Variants in FBRSL1 observed in about 807,000 individuals in gnomAD.
FBRSL1 encodes fibrosin-1-like protein.
FBRSL1 carries 51 observed loss-of-function variants against 89.6 expected under a neutral mutation model. That is an observed-to-expected ratio of 0.57 (90% CI 0.45 to 0.72). The LOEUF (loss-of-function observed/expected upper bound fraction) is 0.72. Ranked by LOEUF, FBRSL1 falls within the 30% of genes least tolerant of loss-of-function variation. The probability of loss-of-function intolerance (pLI) is 0.00; values close to 1 mark genes in which losing one functional copy is unlikely to be tolerated. For missense variants in FBRSL1, 1,618 were observed against 1,451.8 expected, an observed-to-expected ratio of 1.11 and a Z score of -1.86; for synonymous variants, 779 against 681.1, an observed-to-expected ratio of 1.14 and a Z score of -2.24.
chr12:132,492,930 A>G (rs1004858117), intron 1 of FBRSL1, among the ~76,000 whole-genome samples: 2 of 152,204 alleles, frequency 1.3e-5, no homozygotes, highest in African/African-American at 4.8e-5. Context: ...CAAAGTTCAG[A>G]TAATTCATAA....
chr12:132,538,250 CGACG>C lies in FBRSL1; in HGVS notation c.616-9752_616-9749del, dbSNP rs1566165277. Among the ~76,000 whole-genome samples, 4 of 152,178 alleles carry C rather than the reference CGACG, an allele frequency of 2.6e-5. No homozygotes were observed. The East Asian group carries it at 7.7e-4, about 29-fold the overall frequency. ...CAGGGCTCCAGCCCCACGTTCTCGC[CGACG>C]CAGGGCTCTCCAGGCCTGCTCCCTT... On this transcript the variant is annotated intron_variant, in intron 4 of 18. Transcript: ENST00000680143.
chr12:132,525,698 G>T (rs1301056632), intron 2 of FBRSL1, 36 bp from the exon 3 acceptor site: 1 of 1,509,944 alleles, frequency 6.6e-7, no homozygotes, highest in East Asian at 2.5e-5. Context: ...CGGTGAGGTG[G>T]GGGTTTGCCT....
intron 1 of FBRSL1, among the ~76,000 whole-genome samples, chr12:132,496,614 G>A (rs1359123799): frequency 2.0e-5 from 3 of 152,240 alleles, no homozygotes; most frequent in Non-Finnish European, 4.4e-5. Context: ...GCACATGGCT[G>A]TGACGTTGCT....
At chr12:132,558,723 G>T (rs2038873812) in intron 5 of FBRSL1, among the ~76,000 whole-genome samples, 1 of 152,258 alleles carries the variant, frequency 6.6e-6, no homozygotes, top group Admixed American at 6.5e-5. Context: ...CCGTGTGGGA[G>T]CTGCTCCCGC....
At position 132,558,979 on chromosome 12, in the gene FBRSL1, C is replaced by T. The variant is rs1001046044; in HGVS notation, c.646-8502C>T. On this transcript the variant is annotated intron_variant, in intron 5 of 18. Coordinates refer to ENST00000680143, the MANE Select transcript of FBRSL1 (RefSeq NM_001367871.1). ...AGAGCTGCGCCCTCCCTCCCTTACT[C>T]ATCGCGTTTGAGTTCGCAGTTGGTG... 5.9e-5 allele frequency among the ~76,000 whole-genome samples: 9 copies of T among 152,276 alleles called. No individual in the cohort carries two copies. In the South Asian group the frequency reaches 1.9e-3, roughly 32 times the overall value.
At chr12:132,571,454 A>T in intron 9 of FBRSL1, 1 of 1,549,866 alleles carries the variant, frequency 6.5e-7, no homozygotes, top group Non-Finnish European at 8.7e-7. Context: ...CAACACACAC[A>T]CCAGCACCAA....
chr12:132,523,387 G>A (rs1269165042), intron 2 of FBRSL1, among the ~76,000 whole-genome samples: 1 of 152,162 alleles, frequency 6.6e-6, no homozygotes, highest in Non-Finnish European at 1.5e-5. Flanking sequence ...GACCGGCCTG[G>A]CCACCTTTCA....
At chr12:132,491,953 C>CA (rs2031081227) in intron 1 of FBRSL1, among the ~76,000 whole-genome samples, 1 of 152,236 alleles carries the variant, frequency 6.6e-6, no homozygotes, top group Non-Finnish European at 1.5e-5. Context: ...CCAGGCTCAT[C>CA]ACACAGGCTG....
intron 15 of FBRSL1, 25 bp from the exon 16 acceptor site, chr12:132,581,414 T>G: frequency 6.4e-7 from 1 of 1,550,842 alleles, no homozygotes; most frequent in South Asian, 1.2e-5. Context: ...TCCTGGCTTC[T>G]GTCAAACCTG....
intron 1 of FBRSL1, among the ~76,000 whole-genome samples, chr12:132,495,263 G>T (rs976258925): frequency 6.6e-6 from 1 of 152,250 alleles, no homozygotes; most frequent in African/African-American, 2.4e-5. Flanking sequence ...AAGAGCCCAG[G>T]CATAGGATCT....
chr12:132,492,924 G>A (rs1226801729), intron 1 of FBRSL1, among the ~76,000 whole-genome samples: 5 of 152,206 alleles, frequency 3.3e-5, no homozygotes, highest in African/African-American at 4.8e-5. Context: ...TTTCCCCAAA[G>A]TTCAGATAAT....
intron 4 of FBRSL1, among the ~76,000 whole-genome samples, chr12:132,536,499 G>A (rs375831838): frequency 4.0e-4 from 61 of 151,002 alleles, no homozygotes; most frequent in African/African-American, 9.3e-4. Flanking sequence ...AAGGTGTGTC[G>A]TGTACATGAT....
chr12:132,527,085 A>C (rs2035848982), intron 3 of FBRSL1, among the ~76,000 whole-genome samples: 1 of 151,158 alleles, frequency 6.6e-6, no homozygotes, highest in South Asian at 2.1e-4. Flanking sequence ...CCCAGCTACC[A>C]TCCCCCAGCC....
At chr12:132,555,539 G>A (rs879051396) in intron 5 of FBRSL1, among the ~76,000 whole-genome samples, 1 of 134,046 alleles carries the variant, frequency 7.5e-6, no homozygotes, top group Non-Finnish European at 1.6e-5. Context: ...TGAGCGTGGG[G>A]GCCACGGTAG....
At chr12:132,560,419 G>T (rs2039016608) in intron 5 of FBRSL1, among the ~76,000 whole-genome samples, 1 of 151,942 alleles carries the variant, frequency 6.6e-6, no homozygotes, top group East Asian at 1.9e-4. Context: ...GCGGGCGGGG[G>T]TGCGGCGCGG....
At position 132,584,302 on chromosome 12, in the gene FBRSL1, T is replaced by G. The variant is rs144325943; in HGVS notation, c.*524T>G. Reference sequence around the variant, plus strand: ...TAAAATAATAATGTACAAAACTTTGTTTTTTTGCCTTATTATGCAGAAGTG... The same window carrying G: ...TAAAATAATAATGTACAAAACTTTGGTTTTTTGCCTTATTATGCAGAAGTG... On this transcript the variant is annotated 3_prime_UTR_variant, in exon 19 of 19. Transcript: ENST00000680143. 1.3e-5 allele frequency: 2 copies of G among 152,320 alleles called. No homozygotes were observed. Among genetic ancestry groups the G allele is most frequent in the East Asian group, 1.9e-4 (1 of 5,190 alleles). 9.4% of individuals were successfully genotyped at this position (152,320 alleles called of 1,614,324 possible).
At chr12:132,521,491 C>T (rs1261741918) in intron 2 of FBRSL1, among the ~76,000 whole-genome samples, 1 of 152,174 alleles carries the variant, frequency 6.6e-6, no homozygotes, top group East Asian at 1.9e-4. Context: ...TCTCAGGGTT[C>T]TCCAGGGTCT....
intron 5 of FBRSL1, among the ~76,000 whole-genome samples, chr12:132,562,591 T>A (rs1202681856): frequency 4.5e-5 from 2 of 44,056 alleles, no homozygotes; most frequent in Admixed American, 6.9e-4. Flanking sequence ...CCGCACAGGG[T>A]GAGCAGACCA....
At chr12:132,516,078 G>A (rs912683419) in intron 2 of FBRSL1, among the ~76,000 whole-genome samples, 4 of 151,960 alleles carry the variant, frequency 2.6e-5, no homozygotes, top group East Asian at 1.9e-4. Context: ...CTATAGACAC[G>A]AAAAAGGTGA....
Sources: gnomAD v4.1 joint callset for allele counts (sites outside exome capture counted in the v4.1 genomes callset) on GRCh38, gnomAD v4.1.1 for gene constraint, MANE v1.5 for transcripts, NCBI Gene and HGNC (gene_info 2026-07-23, HGNC 2026-07-21) for gene names.